KCNAB1: variants seen among roughly 807,000 people sequenced by gnomAD.
KCNAB1 encodes potassium voltage-gated channel subfamily A regulatory beta subunit 1.
In KCNAB1, 35 loss-of-function variants were observed where a neutral mutation model predicts 64.6. The observed-to-expected ratio is 0.54, with a 90% CI of 0.41 to 0.72. The LOEUF is 0.72. Ranked by LOEUF, KCNAB1 falls within the 30% of genes least tolerant of loss-of-function variation. KCNAB1 has a pLI of 0.00. For missense variants in KCNAB1, 401 were observed against 512.9 expected (o/e 0.78, Z 2.11); for synonymous variants, 177 against 183.8 (o/e 0.96, Z 0.30).
intron 1 of KCNAB1, among the ~76,000 whole-genome samples, chr3:156,410,976 C>T (rs561642945): frequency 4.3e-4 from 66 of 152,158 alleles, no homozygotes; most frequent in African/African-American, 1.5e-3. Flanking sequence ...ATGAAATAGC[C>T]GAGTCACATG....
intron 8 of KCNAB1, among the ~76,000 whole-genome samples, chr3:156,507,495 G>A (rs1028034839): frequency 6.6e-6 from 1 of 152,104 alleles, no homozygotes; most frequent in African/African-American, 2.4e-5. Flanking sequence ...ATGATTATAA[G>A]TTTCCAGTCC....
chr3:156,526,543 C>T (rs1718319177), intron 12 of KCNAB1, among the ~76,000 whole-genome samples: 1 of 152,164 alleles, frequency 6.6e-6, no homozygotes, highest in Non-Finnish European at 1.5e-5. Context: ...CATTCCAATT[C>T]AGGCTAGACA....
chr3:156,421,742 C>T, intron 2 of KCNAB1, 83 bp downstream of exon 2: 1 of 1,234,832 alleles, frequency 8.1e-7, no homozygotes, highest in East Asian at 2.3e-5. Flanking sequence ...TGGTCTAGGC[C>T]AGGACCTGGT....
intron 1 of KCNAB1, among the ~76,000 whole-genome samples, chr3:156,141,267 T>C (rs1714690965): frequency 6.6e-6 from 1 of 152,114 alleles, no homozygotes; most frequent in Non-Finnish European, 1.5e-5. Context: ...TATGCACTCA[T>C]TTTTGAGTAA....
At chr3:156,290,854 A>T in intron 1 of KCNAB1, 1 of 545,668 alleles carries the variant, frequency 1.8e-6, no homozygotes, top group Non-Finnish European at 2.3e-6. Flanking sequence ...AAAAGTCTGC[A>T]CTGTGGCATC....
chr3:156,431,342 A>T (rs1716197696), intron 2 of KCNAB1, among the ~76,000 whole-genome samples: 1 of 152,232 alleles, frequency 6.6e-6, no homozygotes, highest in Non-Finnish European at 1.5e-5. Flanking sequence ...CCCAAATGAA[A>T]TTTTTGTAAT....
chr3:156,523,919 G>A lies in KCNAB1; in HGVS notation c.1053G>A (p.Leu351=), dbSNP rs1239002801. 1 of 1,614,060 alleles carries A rather than the reference G, an allele frequency of 6.2e-7. No homozygotes were observed. The highest frequency in any genetic ancestry group is 2.2e-5 in the East Asian group (1 of 44,874). ...ACCTTTCCCCAATTGCGGAGCGTCT[G>A]GGATGCACACTACCTCAGCTAGCTG... is the stretch of plus-strand genomic sequence containing the variant. ...LKDLSPIAER[L]GCTLPQLAVA... The change falls in exon 12 of 14, where the codon CTG becomes CTA. Residue 351 remains leucine, a synonymous_variant. Transcript: ENST00000490337.
At chr3:156,379,209 AC>A (rs1269132315) in intron 1 of KCNAB1, among the ~76,000 whole-genome samples, 1 of 152,216 alleles carries the variant, frequency 6.6e-6, no homozygotes, top group Non-Finnish European at 1.5e-5. Context: ...GGTTGATTTA[AC>A]AAATATATAC....
intron 8 of KCNAB1, among the ~76,000 whole-genome samples, chr3:156,504,050 G>A (rs780821996): frequency 2.1e-4 from 32 of 152,016 alleles, no homozygotes; most frequent in Non-Finnish European, 2.8e-4. Flanking sequence ...CAAACTCTCC[G>A]TATCCTCCTT....
chr3:156,319,125 A>C (rs1331369580), intron 1 of KCNAB1, among the ~76,000 whole-genome samples: 1 of 152,234 alleles, frequency 6.6e-6, no homozygotes, highest in East Asian at 1.9e-4. Flanking sequence ...TTGCAAGGGA[A>C]CATGGAACAA....
chr3:156,321,626 G>A (rs1470028941), intron 1 of KCNAB1, among the ~76,000 whole-genome samples: 3 of 152,262 alleles, frequency 2.0e-5, no homozygotes, highest in East Asian at 1.9e-4. Context: ...GGTATTTTGG[G>A]AATGCATATA....
chr3:156,399,809 A>C, intron 1 of KCNAB1, among the ~76,000 whole-genome samples: 1 of 152,224 alleles, frequency 6.6e-6, no homozygotes, highest in East Asian at 1.9e-4. Flanking sequence ...AAGCAGAAAA[A>C]TAGAAATCAT....
At chr3:156,443,217 A>T (rs2108263810) in intron 2 of KCNAB1, among the ~76,000 whole-genome samples, 1 of 152,256 alleles carries the variant, frequency 6.6e-6, no homozygotes, top group East Asian at 1.9e-4. Flanking sequence ...CCCCCTCAAC[A>T]GGCCCCAGTG....
Position 156,330,482 on chromosome 3 carries a change from G to T in KCNAB1, c.276-91134G>T, listed in dbSNP as rs114978154. ...AAAAAAATTCTTTTACAGCCACAAG[G>T]GTATTTTACTCTGTTGCCCCCAGTG... is the stretch of plus-strand genomic sequence containing the variant. On this transcript the variant is annotated intron_variant, in intron 1 of 13. Coordinates refer to ENST00000490337, the MANE Select transcript of KCNAB1 (RefSeq NM_172160.3). 7.5e-3 allele frequency among the ~76,000 whole-genome samples: 1,141 copies of T among 152,132 alleles called. 5 individuals carry two copies. Among genetic ancestry groups the T allele is most frequent in the Non-Finnish European group, 0.013 (891 of 68,002 alleles).
At chr3:156,394,168 T>C in intron 1 of KCNAB1, among the ~76,000 whole-genome samples, 1 of 152,196 alleles carries the variant, frequency 6.6e-6, no homozygotes, top group East Asian at 1.9e-4. Context: ...AAATGCACAG[T>C]TGTCTTACAG....
intron 1 of KCNAB1, among the ~76,000 whole-genome samples, chr3:156,387,014 C>CTTTTTTTTTTTT (rs1194708289): frequency 4.4e-5 from 4 of 90,526 alleles, no homozygotes; most frequent in African/African-American, 1.1e-4. Context: ...TTCTCTCTCT[C>CTTTTTTTTTTTT]TTTTTTTTTT....
chr3:156,306,067 A>C (rs1363444604), intron 1 of KCNAB1, among the ~76,000 whole-genome samples: 1 of 152,230 alleles, frequency 6.6e-6, no homozygotes, highest in East Asian at 1.9e-4. Flanking sequence ...CAAGTAACAA[A>C]AAGAGAATAT....
intron 1 of KCNAB1, among the ~76,000 whole-genome samples, chr3:156,366,091 T>C (rs1725927165): frequency 6.6e-6 from 1 of 152,160 alleles, no homozygotes; most frequent in African/African-American, 2.4e-5. Context: ...AAAATTATTA[T>C]AACTAATGCA....
chr3:156,464,354 A>G (rs530705461), intron 6 of KCNAB1, among the ~76,000 whole-genome samples: 2 of 152,202 alleles, frequency 1.3e-5, no homozygotes, highest in Non-Finnish European at 2.9e-5. Context: ...TTGAACTGGT[A>G]CTTACATTAT....
Sources: gnomAD v4.1 joint callset for allele counts (sites outside exome capture counted in the v4.1 genomes callset) on GRCh38, gnomAD v4.1.1 for gene constraint, MANE v1.5 for transcripts, NCBI Gene and HGNC (gene_info 2026-07-23, HGNC 2026-07-21) for gene names.